Variants in SAMD12 observed in about 807,000 individuals in gnomAD.
SAMD12 encodes the protein sterile alpha motif domain containing 12, also known as sterile alpha motif domain-containing protein 12.
A neutral mutation model predicts 15.0 loss-of-function variants in SAMD12; 9 were observed. The observed-to-expected ratio is 0.60, with a 90% CI of 0.36 to 1.05. The LOEUF (loss-of-function observed/expected upper bound fraction) is 1.05. Ranked by LOEUF, SAMD12 falls within the 50% of genes least tolerant of loss-of-function variation. The probability of loss-of-function intolerance (pLI) is 0.01; values close to 1 mark genes in which losing one functional copy is unlikely to be tolerated. For missense variants in SAMD12, 230 were observed against 234.2 expected, an observed-to-expected ratio of 0.98 and a Z score of 0.12; for synonymous variants, 86 against 90.1, an observed-to-expected ratio of 0.96 and a Z score of 0.25.
intron 4 of SAMD12, among the ~76,000 whole-genome samples, chr8:118,233,515 G>A (rs949128258): frequency 2.0e-5 from 3 of 152,118 alleles, no homozygotes; most frequent in Admixed American, 2.0e-4. Flanking sequence ...AGTGGTTTAA[G>A]CACTATGGGC....
intron 4 of SAMD12, among the ~76,000 whole-genome samples, chr8:118,247,197 C>G (rs904199205): frequency 2.6e-5 from 4 of 151,944 alleles, no homozygotes; most frequent in Non-Finnish European, 5.9e-5. Flanking sequence ...TATGTGAAAT[C>G]TAAAAAAGTT....
chr8:118,435,086 G>A (rs1286931681), intron 3 of SAMD12, among the ~76,000 whole-genome samples: 2 of 23,320 alleles, frequency 8.6e-5, no homozygotes, highest in Non-Finnish European at 1.3e-4. Flanking sequence ...CTGGGCGACA[G>A]AGTGAGACTC....
intron 2 of SAMD12, among the ~76,000 whole-genome samples, chr8:118,490,298 G>T (rs1824406406): frequency 6.6e-6 from 1 of 152,088 alleles, no homozygotes; most frequent in South Asian, 2.1e-4. Flanking sequence ...TTATAATAGT[G>T]GGTCATGTCT....
At chr8:118,423,414 C>G (rs1822100206) in intron 3 of SAMD12, among the ~76,000 whole-genome samples, 3 of 152,090 alleles carry the variant, frequency 2.0e-5, no homozygotes, top group African/African-American at 7.2e-5. Flanking sequence ...TTTTTAAATT[C>G]ACTGAGAGGC....
intron 3 of SAMD12, among the ~76,000 whole-genome samples, chr8:118,434,353 C>G (rs1023059371): frequency 6.6e-6 from 1 of 152,184 alleles, no homozygotes; most frequent in African/African-American, 2.4e-5. Context: ...TTGTAGACAT[C>G]TAAAGGATAC....
intron 2 of SAMD12, among the ~76,000 whole-genome samples, chr8:118,541,177 T>C (rs985783315): frequency 6.6e-6 from 1 of 152,316 alleles, no homozygotes; most frequent in East Asian, 1.9e-4. Flanking sequence ...AGGAAGTAGA[T>C]AGCTAGTGAG....
chr8:118,346,988 C>T (rs985449615), intron 4 of SAMD12, among the ~76,000 whole-genome samples: 1 of 152,284 alleles, frequency 6.6e-6, no homozygotes, highest in South Asian at 2.1e-4. Context: ...ACTGCAGCCC[C>T]GAATTCCCGG....
intron 2 of SAMD12, among the ~76,000 whole-genome samples, chr8:118,463,183 C>T (rs1236582088): frequency 6.6e-6 from 1 of 150,706 alleles, no homozygotes; most frequent in African/African-American, 2.4e-5. Flanking sequence ...GAATGGATGG[C>T]TTCTTTCCAG....
chr8:118,375,969 T>C (rs1371534236), downstream of SAMD12: 2 of 152,182 alleles, frequency 1.3e-5, no homozygotes, highest in Non-Finnish European at 2.9e-5. Context: ...CTTACTTTTT[T>C]CTCATCTCAT....
chr8:118,337,294 C>T (rs1178453475), intron 4 of SAMD12, among the ~76,000 whole-genome samples: 2 of 152,126 alleles, frequency 1.3e-5, no homozygotes, highest in African/African-American at 4.8e-5. Flanking sequence ...ATCCATGTCA[C>T]ACGCCAGCTC....
chr8:118,474,902 G>A (rs1823908981), intron 2 of SAMD12, among the ~76,000 whole-genome samples: 2 of 152,114 alleles, frequency 1.3e-5, no homozygotes, highest in Admixed American at 1.3e-4. Flanking sequence ...GCAGTAATGA[G>A]TGAGTTCTCA....
intron 4 of SAMD12, among the ~76,000 whole-genome samples, chr8:118,221,132 C>T (rs1159220903): frequency 1.3e-5 from 2 of 152,026 alleles, no homozygotes; most frequent in African/African-American, 4.8e-5. Flanking sequence ...ATATTTTTGT[C>T]TCGTCTATTA....
At chr8:118,357,360 C>T (rs1323312409) in intron 4 of SAMD12, among the ~76,000 whole-genome samples, 1 of 152,142 alleles carries the variant, frequency 6.6e-6, no homozygotes, top group Non-Finnish European at 1.5e-5. Context: ...GCCTCAGCCT[C>T]CTGAGTAGCT....
intron 4 of SAMD12, among the ~76,000 whole-genome samples, chr8:118,277,582 A>T (rs1171596865): frequency 2.3e-5 from 3 of 130,294 alleles, no homozygotes; most frequent in African/African-American, 9.9e-5. Flanking sequence ...TCTCCTGAGT[A>T]AAAAAAAAAA....
intron 3 of SAMD12, among the ~76,000 whole-genome samples, chr8:118,399,794 G>T (rs1237779091): frequency 6.6e-6 from 1 of 152,172 alleles, no homozygotes; most frequent in Non-Finnish European, 1.5e-5. Context: ...ACTGGGTCAA[G>T]GGGTACCCAA....
At chr8:118,426,595 T>C (rs764747765) in intron 3 of SAMD12, among the ~76,000 whole-genome samples, 6 of 152,218 alleles carry the variant, frequency 3.9e-5, no homozygotes, top group Non-Finnish European at 8.8e-5. Context: ...AGTTATGATT[T>C]ATGAAACAAA....
intron 4 of SAMD12, among the ~76,000 whole-genome samples, chr8:118,311,908 T>C (rs1242747374): frequency 2.0e-5 from 3 of 152,200 alleles, no homozygotes; most frequent in Admixed American, 1.3e-4. Context: ...TTGCTGGTTT[T>C]ATATTTTACT....
At chr8:118,340,107 C>A (rs1817275853) in intron 4 of SAMD12, among the ~76,000 whole-genome samples, 1 of 152,198 alleles carries the variant, frequency 6.6e-6, no homozygotes, top group Non-Finnish European at 1.5e-5. Flanking sequence ...AAGGCACAGG[C>A]TTCAACAAAG....
At chr8:118,352,246 T>C (rs1817995821) in intron 4 of SAMD12, among the ~76,000 whole-genome samples, 1 of 152,132 alleles carries the variant, frequency 6.6e-6, no homozygotes, top group Non-Finnish European at 1.5e-5. Flanking sequence ...AGGGAGTGGA[T>C]TTACTGAAAT....
Sources: allele counts gnomAD v4.1 joint callset (sites outside exome capture counted in the v4.1 genomes callset), GRCh38; gene constraint gnomAD v4.1.1; transcripts MANE v1.5; gene names NCBI Gene and HGNC (gene_info 2026-07-23, HGNC 2026-07-21).